Variants in F5 observed in about 807,000 individuals in gnomAD.
F5 encodes the protein coagulation factor V.
Under a neutral mutation model 216.4 loss-of-function variants are expected in F5, and 138 were observed. The ratio of observed to expected loss-of-function variants is 0.64; its 90% CI spans 0.56 to 0.73. The LOEUF (loss-of-function observed/expected upper bound fraction) is 0.73, where lower values mean the gene tolerates loss of function less well. Ranked by LOEUF, F5 falls within the 30% of genes least tolerant of loss-of-function variation. The probability of loss-of-function intolerance (pLI) is 0.00; values close to 1 mark genes in which losing one functional copy is unlikely to be tolerated. For missense variants in F5, 2,403 were observed against 2,674.0 expected (o/e 0.90, Z 2.24); for synonymous variants, 916 against 930.7 (o/e 0.98, Z 0.29).
Position 169,525,972 on chromosome 1 carries a change from C to T in F5, c.5645G>A (p.Trp1882Ter). The T allele has an allele frequency of 1.2e-6, 2 of 1,613,280 alleles. No individual in the cohort carries two copies. Among genetic ancestry groups the T allele is most frequent in the Non-Finnish European group, 8.5e-7 (1 of 1,179,418 alleles). ...TTCTCCAACCTCTGTGTTTAGGAGC[C>T]ACCAGCCAGGTTTTGATGCCTTCAT... ...LEMKASKPGW[W>*]LLNTEVGENQ... is the part of the protein sequence containing the mutation. Residue 1882 changes from tryptophan to a stop codon, truncating the protein, a stop_gained, in exon 18 of 25, where the codon TGG becomes TAG. Coordinates refer to ENST00000367797, the MANE Select transcript of F5 (RefSeq NM_000130.5). LOFTEE classifies it high-confidence loss of function.
intron 3 of F5, among the ~76,000 whole-genome samples, chr1:169,570,572 A>G (rs571716415): frequency 6.6e-6 from 1 of 152,238 alleles, no homozygotes; most frequent in South Asian, 2.1e-4. Context: ...GTTTTTCCTC[A>G]AGCCAAAGAT....
At chr1:169,569,683 A>G (rs1292188449) in intron 3 of F5, among the ~76,000 whole-genome samples, 1 of 152,080 alleles carries the variant, frequency 6.6e-6, no homozygotes. Context: ...ATTAAAGGAA[A>G]TGTCCTTACA....
chr1:169,542,250 C>T lies in F5; in HGVS notation c.2840G>A (p.Trp947Ter), dbSNP rs1007137681. ...GCTACCTTTCTCAGAAGCCAAATGC[C>T]ATCTCCCAACCAAAATCTTAGATGA... The part of the protein sequence containing the change: ...SNSSKILVGR[W>*]HLASEKGSYE... The change falls in exon 13 of 25, where the codon TGG (tryptophan) becomes TAG (stop). Residue 947 changes from tryptophan (W) to a stop codon, truncating the protein, a stop_gained. Transcript: ENST00000367797. LOFTEE classifies it high-confidence loss of function. The T allele has an allele frequency of 1.2e-6, 2 of 1,614,104 alleles. No individual in the cohort carries two copies. Among genetic ancestry groups the T allele is most frequent in the Non-Finnish European group, 1.7e-6 (2 of 1,180,010 alleles).
At position 169,542,868 on chromosome 1, in the gene F5, T is replaced by C. The variant is rs144979314; in HGVS notation, c.2222A>G (p.Asn741Ser). ...TTCTTCTTCCTGATTCAATGATGAG[T>C]TTCGGAATGACCTGATTCCTAATGC... ...AAALGIRSFR[N>S]SSLNQEEEEF... is the part of the protein sequence containing the mutation. The change falls in exon 13 of 25, where the codon AAC becomes AGC. Residue 741 changes from asparagine to serine, a missense_variant. This residue lies in a region of F5 where 1,425 missense variants were observed against 1,554.8 expected (regional missense o/e 0.92). Transcript: ENST00000367797. 1.1e-3 allele frequency: 1,804 copies of C among 1,614,152 alleles called. 12 individuals carry two copies. The highest frequency in any genetic ancestry group is 1.2e-3 in the Non-Finnish European group (1,411 of 1,180,000).
In F5 at chr1:169,543,125, G is replaced by A. The variant is rs1334902723; in HGVS notation, c.1976-11C>T. 6.2e-7 allele frequency: 1 copy of A among 1,610,892 alleles called. No homozygotes were observed. Among genetic ancestry groups the A allele is most frequent in the Non-Finnish European group, 8.5e-7 (1 of 1,178,440 alleles). On this transcript the variant is annotated splice_polypyrimidine_tract_variant and intron_variant, in intron 12 of 24. Transcript: ENST00000367797. ...TTAACATCCAAGTTCCTACAGAAGA[G>A]AGACAGACAGAAGAGAGATCTGGAA...
At chr1:169,566,712 A>T (rs1265232816) in intron 3 of F5, among the ~76,000 whole-genome samples, 1 of 151,994 alleles carries the variant, frequency 6.6e-6, no homozygotes. Flanking sequence ...ATTTAAGATA[A>T]TATAATCCTT....
At chr1:169,562,263 C>T (rs1660500862) in intron 3 of F5, among the ~76,000 whole-genome samples, 1 of 152,026 alleles carries the variant, frequency 6.6e-6, no homozygotes, top group African/African-American at 2.4e-5. Flanking sequence ...TCTGTAATGT[C>T]ATATCAATGG....
chr1:169,556,207 T>C (rs1049254775), intron 6 of F5, among the ~76,000 whole-genome samples: 1 of 152,102 alleles, frequency 6.6e-6, no homozygotes, highest in African/African-American at 2.4e-5. Context: ...TGCTAGACTT[T>C]GTGTTCATCC....
At chr1:169,544,731 A>G (rs1659960486) in intron 11 of F5, among the ~76,000 whole-genome samples, 4 of 152,256 alleles carry the variant, frequency 2.6e-5, no homozygotes, top group Admixed American at 2.6e-4. Context: ...TCTCAGGAAA[A>G]AGATAAAGCC....
chr1:169,539,801 A>G (rs573075502), intron 13 of F5, among the ~76,000 whole-genome samples: 27 of 152,292 alleles, frequency 1.8e-4, no homozygotes, highest in African/African-American at 6.5e-4. Context: ...GCCCAGTTCA[A>G]CATGGCTTTC....
In F5 at chr1:169,546,578, G is replaced by A. The variant is rs952054996; in HGVS notation, c.1626C>T (p.Ile542=). The A allele has an allele frequency of 1.3e-5, 21 of 1,613,846 alleles. No homozygotes were observed. Among genetic ancestry groups the A allele is most frequent in the East Asian group, 2.2e-5 (1 of 44,898 alleles). The change falls in exon 11 of 25, where the codon ATC becomes ATT. Residue 542 remains isoleucine, a synonymous_variant. Transcript: ENST00000367797. The part of the protein sequence containing the change: ...DRRGIQRAAD[I]EQQAVFAVFD... ...ACACAGCAAACACAGCCTGCTGTTC[G>A]ATGTCTGCTGCCCTCTGGAGGACAA...
rs758751108 is a variant in F5 at position 169,527,953 on chromosome 1, T to C, written c.5561A>G (p.Asn1854Ser). The change falls in exon 17 of 25, where the codon AAT (asparagine) becomes AGT (serine). Residue 1854 changes from asparagine to serine, a missense_variant. This residue lies in a region of F5 where 659 missense variants were observed against 787.9 expected (regional missense o/e 0.84). Transcript: ENST00000367797. Reference protein sequence around the residue: ...FHGQTLLENGNKQHQLGVWPL... With the variant: ...FHGQTLLENGSKQHQLGVWPL... ...CCAGACCCCTAACTGGTGCTGTTTA[T>C]TGCCATTTTCCAGCAAGGTCTGGCC... 1 of 1,613,666 alleles carries C rather than the reference T, an allele frequency of 6.2e-7. No homozygotes were observed. Among genetic ancestry groups the C allele is most frequent in the African/African-American group, 1.3e-5 (1 of 74,906 alleles).
intron 17 of F5, among the ~76,000 whole-genome samples, chr1:169,527,405 C>T (rs1659483566): frequency 6.6e-6 from 1 of 152,050 alleles, no homozygotes; most frequent in African/African-American, 2.4e-5. Context: ...TTCTAAATAC[C>T]TTTGTTATTC....
intron 13 of F5, among the ~76,000 whole-genome samples, chr1:169,538,844 T>C (rs1333654153): frequency 1.3e-5 from 2 of 152,126 alleles, no homozygotes; most frequent in African/African-American, 2.4e-5. Context: ...GGGATTTTTA[T>C]GGTGATGGTG....
rs564474377 is a variant in F5, at chr1:169,535,541, C to T, written c.4971+965G>A. Among the ~76,000 whole-genome samples, 13 of 152,282 alleles carry T rather than the reference C, an allele frequency of 8.5e-5. No individual in the cohort carries two copies. The South Asian group carries it at 2.3e-3, about 27-fold the overall frequency. On this transcript the variant is annotated intron_variant, in intron 14 of 24. Transcript: ENST00000367797. ...TAGCTTTTCATCCATCCCCCGTTCC[C>T]TTTTGAGTCTCCAATGTCCATTATA...
chr1:169,542,727 A>G lies in F5; in HGVS notation c.2363T>C (p.Val788Ala), dbSNP rs1659897625. Reference sequence around the variant, plus strand: ...TTTCTGAGGTTCTGCAAGGTTATTGACAGTGAACTTACTAATATTACTTGG... The same window carrying G: ...TTTCTGAGGTTCTGCAAGGTTATTGGCAGTGAACTTACTAATATTACTTGG... ...SSPSNISKFT[V>A]NNLAEPQKAP... is the part of the protein sequence containing the mutation. Residue 788 changes from valine (V) to alanine (A), a missense_variant, in exon 13 of 25, where the codon GTC (valine) becomes GCC (alanine). Val to Ala is a moderately conservative substitution (Grantham distance 64). Coordinates refer to ENST00000367797, the MANE Select transcript of F5 (RefSeq NM_000130.5). The G allele has an allele frequency of 3.7e-6, 6 of 1,614,170 alleles. No homozygotes were observed. Among genetic ancestry groups the G allele is most frequent in the Non-Finnish European group, 5.1e-6 (6 of 1,180,012 alleles).
chr1:169,558,645 A>G (rs908182791), intron 5 of F5, among the ~76,000 whole-genome samples: 2 of 152,190 alleles, frequency 1.3e-5, no homozygotes, highest in African/African-American at 4.8e-5. Flanking sequence ...AACGATTGCT[A>G]TGATTTTGCC....
chr1:169,543,742 G>A (rs9332599), intron 12 of F5, among the ~76,000 whole-genome samples: 44,932 of 152,040 alleles, frequency 0.3, 6,984 homozygotes, highest in Admixed American at 0.43. Context: ...GGCACTTGGC[G>A]CATATTACTA....
intron 1 of F5, among the ~76,000 whole-genome samples, chr1:169,585,497 T>C (rs1027776340): frequency 2.0e-5 from 3 of 152,198 alleles, no homozygotes; most frequent in Admixed American, 2.0e-4. Context: ...ATTTTTAACA[T>C]TTCAATTAGA....
Sources: gnomAD v4.1 joint callset for allele counts (sites outside exome capture counted in the v4.1 genomes callset) on GRCh38, gnomAD v4.1.1 for gene constraint, gnomAD v4.1.1 regional missense constraint, MANE v1.5 for transcripts, NCBI Gene and HGNC (gene_info 2026-07-23, HGNC 2026-07-21) for gene names.